Variants in GABBR2 observed in about 807,000 individuals in gnomAD.
The protein encoded by GABBR2 is G-protein coupled receptor 51.
A neutral mutation model predicts 105.6 loss-of-function variants in GABBR2; 23 were observed. That is an observed-to-expected ratio of 0.22 (90% CI 0.16 to 0.31). The LOEUF (loss-of-function observed/expected upper bound fraction) is 0.31, where lower values mean the gene tolerates loss of function less well. Among genes scored for constraint, GABBR2 ranks in the 10% least tolerant of loss-of-function variants. The probability of loss-of-function intolerance (pLI) is 1.00; values close to 1 mark genes in which losing one functional copy is unlikely to be tolerated. For synonymous variants in GABBR2, 478 were observed against 499.7 expected, an observed-to-expected ratio of 0.96 and a Z score of 0.58; for missense variants, 734 against 1,245.5, an observed-to-expected ratio of 0.59 and a Z score of 6.18.
intron 6 of GABBR2, among the ~76,000 whole-genome samples, chr9:98,461,356 AAGAT>A (rs1184653064): frequency 5.3e-5 from 8 of 152,212 alleles, no homozygotes; most frequent in African/African-American, 1.7e-4. Flanking sequence ...TATTGATTAA[AAGAT>A]AGATAAGTAG....
chr9:98,523,154 C>G (rs1827897981), intron 3 of GABBR2, among the ~76,000 whole-genome samples: 1 of 151,812 alleles, frequency 6.6e-6, no homozygotes, highest in Admixed American at 6.6e-5. Context: ...GCAACCAAAA[C>G]AAGAGTAAAA....
chr9:98,331,393 CTTCTTTTTTTTTTTT>C (rs1345780186), intron 13 of GABBR2, among the ~76,000 whole-genome samples: 191 of 105,704 alleles, frequency 1.8e-3, no homozygotes, highest in Non-Finnish European at 1.5e-3. Context: ...AAAAGTCCCT[CTTCTTTTTTTTTTTT>C]TTTTTTTTTT....
chr9:98,409,187 G>A (rs909340484), intron 7 of GABBR2, among the ~76,000 whole-genome samples: 2 of 152,186 alleles, frequency 1.3e-5, no homozygotes, highest in African/African-American at 2.4e-5. Context: ...GTGGACAGGG[G>A]CCAGGTCACA....
chr9:98,466,003 G>A (rs763388125), intron 6 of GABBR2, among the ~76,000 whole-genome samples: 4 of 152,098 alleles, frequency 2.6e-5, no homozygotes, highest in Non-Finnish European at 5.9e-5. Flanking sequence ...CACAAGATCG[G>A]GTTGTTTAAA....
chr9:98,691,919 A>C (rs908418627), intron 1 of GABBR2, among the ~76,000 whole-genome samples: 1 of 152,164 alleles, frequency 6.6e-6, no homozygotes, highest in African/African-American at 2.4e-5. Context: ...TGCTAAGAGG[A>C]TCTTCAAATC....
intron 7 of GABBR2, among the ~76,000 whole-genome samples, chr9:98,417,486 C>T (rs1404208889): frequency 6.6e-6 from 1 of 152,148 alleles, no homozygotes; most frequent in Admixed American, 6.5e-5. Context: ...GGGCTTGGGG[C>T]TTACAGTGAG....
In GABBR2 at chr9:98,554,784, G is replaced by C. The variant is rs144495873; in HGVS notation, c.460-12741C>G. Among the ~76,000 whole-genome samples the C allele has an allele frequency of 1.3e-4, 20 of 152,114 alleles. No homozygotes were observed. The South Asian group carries it at 2.5e-3, about 19-fold the overall frequency. Reference sequence around the variant, plus strand: ...TTTAACATTTCTATTATTATTTGACGTAAAGAAGATTGGAAAACAACTATT... The same window carrying C: ...TTTAACATTTCTATTATTATTTGACCTAAAGAAGATTGGAAAACAACTATT... On this transcript the variant is annotated intron_variant, in intron 2 of 18. Coordinates refer to ENST00000259455, the MANE Select transcript of GABBR2 (RefSeq NM_005458.8).
chr9:98,626,723 C>G (rs1164620420), intron 1 of GABBR2, among the ~76,000 whole-genome samples: 1 of 152,176 alleles, frequency 6.6e-6, no homozygotes, highest in Admixed American at 6.5e-5. Flanking sequence ...TTATCTGAAG[C>G]AACACCAAGC....
chr9:98,481,942 T>C (rs1414142580), intron 4 of GABBR2, among the ~76,000 whole-genome samples: 1 of 152,084 alleles, frequency 6.6e-6, no homozygotes, highest in Non-Finnish European at 1.5e-5. Context: ...GTAAATGGGG[T>C]CTTTGTTGCT....
At position 98,676,246 on chromosome 9, in the gene GABBR2, T is replaced by C. The variant is rs190287286; in HGVS notation, c.321+32171A>G. ...AAGGAATGCAGGTGACCTCGAGAAGTTGAAAAAAGCAAGGAAATGAATTCT... is the reference window on the plus strand; with the variant it reads ...AAGGAATGCAGGTGACCTCGAGAAGCTGAAAAAAGCAAGGAAATGAATTCT... On this transcript the variant is annotated intron_variant, in intron 1 of 18. Transcript: ENST00000259455. Among the ~76,000 whole-genome samples, 151 of 152,248 alleles carry C rather than the reference T, an allele frequency of 9.9e-4. 2 individuals carry two copies. The highest frequency in any genetic ancestry group is 2.8e-3 in the African/African-American group (116 of 41,562).
intron 1 of GABBR2, among the ~76,000 whole-genome samples, chr9:98,695,485 CTTAAAAATCCCATTCAGTGA>C (rs1226931235): frequency 1.3e-5 from 2 of 152,188 alleles, no homozygotes; most frequent in African/African-American, 2.4e-5. Flanking sequence ...CACCCCTTAA[CTTAAAAATCCCATTCAGTGA>C]AGCTCAGACA....
intron 11 of GABBR2, among the ~76,000 whole-genome samples, chr9:98,375,604 A>G (rs1036024530): frequency 1.6e-4 from 25 of 152,236 alleles, no homozygotes; most frequent in African/African-American, 5.5e-4. Context: ...CAAGCAAATT[A>G]AAGGAAGACC....
chr9:98,616,284 C>A (rs796897689), intron 1 of GABBR2, among the ~76,000 whole-genome samples: 45 of 152,336 alleles, frequency 3.0e-4, no homozygotes, highest in African/African-American at 1.1e-3. Flanking sequence ...CCGGGTCAGG[C>A]AGTAAGCTGC....
rs552275188 is a variant in GABBR2, at chr9:98,514,283, T to C, written c.631-17769A>G. Among the ~76,000 whole-genome samples, 26 of 133,108 alleles carry C rather than the reference T, an allele frequency of 2.0e-4. 2 individuals carry two copies. The highest frequency in any genetic ancestry group is 5.5e-4 in the African/African-American group (21 of 37,842). 87.3% of individuals were successfully genotyped at this position (133,108 alleles called of 152,430 possible). ...GTAGGGGGAGGGGAGAGGGATAGCA[T>C]TGGGAGATATACCTAATGCTAGATG... On this transcript the variant is annotated intron_variant, in intron 3 of 18. Coordinates refer to ENST00000259455, the MANE Select transcript of GABBR2 (RefSeq NM_005458.8).
chr9:98,469,349 A>G (rs768221996), intron 6 of GABBR2, among the ~76,000 whole-genome samples: 1 of 152,222 alleles, frequency 6.6e-6, no homozygotes, highest in Non-Finnish European at 1.5e-5. Context: ...CACTATCACA[A>G]GAACAGCAAA....
chr9:98,303,495 C>A, intron 15 of GABBR2, 72 bp from the exon 16 acceptor site: 2 of 1,343,190 alleles, frequency 1.5e-6, no homozygotes, highest in Non-Finnish European at 2.1e-6. Context: ...ACATGGCAGA[C>A]TCTCCCAGCA....
intron 7 of GABBR2, among the ~76,000 whole-genome samples, chr9:98,436,305 C>A (rs1349731711): frequency 7.1e-4 from 24 of 33,928 alleles, no homozygotes; most frequent in South Asian, 2.1e-3. Flanking sequence ...ATATATATAC[C>A]CATAAATATA....
At chr9:98,445,629 T>C (rs1341741636) in intron 7 of GABBR2, among the ~76,000 whole-genome samples, 1 of 152,208 alleles carries the variant, frequency 6.6e-6, no homozygotes, top group Admixed American at 6.5e-5. Flanking sequence ...CTGTTCTGGT[T>C]GGAAGCCCTG....
chr9:98,696,018 T>A (rs1830745787), intron 1 of GABBR2, among the ~76,000 whole-genome samples: 1 of 152,200 alleles, frequency 6.6e-6, no homozygotes, highest in Admixed American at 6.5e-5. Flanking sequence ...CTTGCACTCA[T>A]GGAGTTCACA....
Sources: gnomAD v4.1 joint callset for allele counts (sites outside exome capture counted in the v4.1 genomes callset) on GRCh38, gnomAD v4.1.1 for gene constraint, MANE v1.5 for transcripts, NCBI Gene and HGNC (gene_info 2026-07-23, HGNC 2026-07-21) for gene names.